PNPT1: variants seen among roughly 807,000 people sequenced by gnomAD.
PNPT1 encodes polyribonucleotide nucleotidyltransferase 1, mitochondrial.
Under a neutral mutation model 119.5 loss-of-function variants are expected in PNPT1, and 53 were observed. That is an observed-to-expected ratio of 0.44 (90% CI 0.36 to 0.56). The LOEUF (loss-of-function observed/expected upper bound fraction) is 0.56, where lower values mean the gene tolerates loss of function less well. PNPT1 is among the 20% of genes least tolerant of loss of function. PNPT1 has a pLI of 0.00. For missense variants in PNPT1, 948 were observed against 938.5 expected, an observed-to-expected ratio of 1.01 and a Z score of -0.13; for synonymous variants, 357 against 322.1, an observed-to-expected ratio of 1.11 and a Z score of -1.16.
chr2:55,655,007 A>T, intron 17 of PNPT1, 54 bp from the exon 18 acceptor site: 1 of 1,437,044 alleles, frequency 7.0e-7, no homozygotes, highest in Non-Finnish European at 9.7e-7. Flanking sequence ...TAATGTAGAA[A>T]AGTGTTACTA....
chr2:55,661,390 C>T lies in PNPT1; in HGVS notation c.1247+566G>A, dbSNP rs192892770. Among the ~76,000 whole-genome samples, 8 of 152,022 alleles carry T rather than the reference C, an allele frequency of 5.3e-5. No individual in the cohort carries two copies. The East Asian group carries it at 1.2e-3, about 22-fold the overall frequency. On this transcript the variant is annotated intron_variant, in intron 14 of 27. Transcript: ENST00000447944. The stretch of plus-strand genomic sequence containing the variant: ...CAGGCCAGGCGTGAGCCACCACGCC[C>T]GGCCTGCAATAAAGATTCTTATCAT...
rs1382825134 is a variant in PNPT1 at position 55,693,697 on chromosome 2, C to A, written c.127G>T (p.Gly43Trp). The A allele has an allele frequency of 6.2e-7, 1 of 1,614,240 alleles. No individual in the cohort carries two copies. Among genetic ancestry groups the A allele is most frequent in the Non-Finnish European group, 8.5e-7 (1 of 1,180,050 alleles). Reference sequence around the variant, plus strand: ...AAGTCCACGGCCACAGCTCGAGACCCTGCGCTACTCCATAGTGCTCGCACT... The same window carrying A: ...AAGTCCACGGCCACAGCTCGAGACCATGCGCTACTCCATAGTGCTCGCACT... ...LQVRALWSSA[G>W]SRAVAVDLGN... The change falls in exon 1 of 28, where the codon GGG becomes TGG. Residue 43 changes from glycine to tryptophan, a missense_variant. By Grantham distance (184) the Gly-to-Trp change is radical. Coordinates refer to ENST00000447944, the MANE Select transcript of PNPT1 (RefSeq NM_033109.5).
intron 27 of PNPT1, among the ~76,000 whole-genome samples, 193 bp from the exon 28 acceptor site, chr2:55,636,585 C>T (rs1051250710): frequency 3.9e-5 from 6 of 152,156 alleles, no homozygotes; most frequent in South Asian, 2.1e-4. Flanking sequence ...AGAAAAGAGA[C>T]GGGGCAGTTA....
At chr2:55,683,713 G>A in intron 5 of PNPT1, 72 bp downstream of exon 5, 2 of 1,359,732 alleles carry the variant, frequency 1.5e-6, no homozygotes, top group African/African-American at 1.5e-5. Flanking sequence ...GTTTACTCTA[G>A]GAAATATTAC....
chr2:55,654,595 T>C (rs1262747043), intron 18 of PNPT1, among the ~76,000 whole-genome samples: 1 of 152,216 alleles, frequency 6.6e-6, no homozygotes, highest in Admixed American at 6.5e-5. Flanking sequence ...CCAGCAGATA[T>C]CTGGATATCT....
At chr2:55,659,565 A>T (rs1379416140) in intron 15 of PNPT1, among the ~76,000 whole-genome samples, 1 of 151,992 alleles carries the variant, frequency 6.6e-6, no homozygotes, top group Non-Finnish European at 1.5e-5. Context: ...CTATACTTTA[A>T]CTTTTACGTA....
At chr2:55,680,108 A>G (rs181992491) in intron 7 of PNPT1, among the ~76,000 whole-genome samples, 53 of 152,352 alleles carry the variant, frequency 3.5e-4, no homozygotes, top group African/African-American at 1.3e-3. Context: ...GGTTCAGCTT[A>G]CACAAATGAC....
intron 13 of PNPT1, among the ~76,000 whole-genome samples, chr2:55,665,578 T>C (rs1353760034): frequency 1.3e-5 from 2 of 152,130 alleles, no homozygotes; most frequent in African/African-American, 4.8e-5. Flanking sequence ...CCAAAGGATA[T>C]GGACAGAAAA....
intron 26 of PNPT1, among the ~76,000 whole-genome samples, chr2:55,638,657 C>T (rs1045010024): frequency 6.6e-6 from 1 of 152,062 alleles, no homozygotes; most frequent in Non-Finnish European, 1.5e-5. Flanking sequence ...TCAAAACCCT[C>T]TCAAGTTGTA....
rs765578734 is a variant in PNPT1, at chr2:55,677,914, T to C, written c.679+1768A>G. ...CCAACACGCCCGGCTAATTTTTTTT[T>C]GTATTTTTAGTAGAGACAGGGTTTC... is the stretch of plus-strand genomic sequence containing the variant. On this transcript the variant is annotated intron_variant, in intron 8 of 27. Transcript: ENST00000447944. 7.3e-4 allele frequency among the ~76,000 whole-genome samples: 111 copies of C among 152,196 alleles called. No homozygotes were observed. In the Middle Eastern group the frequency reaches 0.01, roughly 14 times the overall value.
At chr2:55,652,198 G>C (rs1274984527) in intron 18 of PNPT1, among the ~76,000 whole-genome samples, 2 of 151,798 alleles carry the variant, frequency 1.3e-5, no homozygotes, top group East Asian at 1.9e-4. Flanking sequence ...AAACCTTTAA[G>C]CTTTTTCAAA....
At chr2:55,661,858 T>G in intron 14 of PNPT1, 98 bp downstream of exon 14, 1 of 1,160,778 alleles carries the variant, frequency 8.6e-7, no homozygotes, top group African/African-American at 1.6e-5. Flanking sequence ...AAAACACAGG[T>G]TAAAAAAAGT....
intron 1 of PNPT1, among the ~76,000 whole-genome samples, chr2:55,692,253 T>C (rs1365735840): frequency 2.0e-5 from 3 of 152,080 alleles, no homozygotes; most frequent in Non-Finnish European, 4.4e-5. Flanking sequence ...AAGCCTAATA[T>C]ATATATTATC....
chr2:55,645,786 C>T (rs1695978238), intron 21 of PNPT1, among the ~76,000 whole-genome samples: 1 of 151,906 alleles, frequency 6.6e-6, no homozygotes, highest in Non-Finnish European at 1.5e-5. Flanking sequence ...CTGCCTTGGC[C>T]TCCCAAAGTG....
intron 5 of PNPT1, among the ~76,000 whole-genome samples, chr2:55,681,366 C>G (rs961009948): frequency 6.6e-6 from 1 of 152,138 alleles, no homozygotes; most frequent in African/African-American, 2.4e-5. Flanking sequence ...GAGATCACGC[C>G]ATTGCACTCC....
At chr2:55,681,276 C>T (rs915185989) in intron 5 of PNPT1, among the ~76,000 whole-genome samples, 2 of 151,948 alleles carry the variant, frequency 1.3e-5, no homozygotes, top group Non-Finnish European at 2.9e-5. Flanking sequence ...GTGTAGTGGC[C>T]GGTGCCTGTA....
At chr2:55,684,891 T>C in intron 4 of PNPT1, 52 bp downstream of exon 4, 3 of 1,416,572 alleles carry the variant, frequency 2.1e-6, no homozygotes, top group Admixed American at 5.0e-5. Context: ...AGAGAAGAGA[T>C]GCTAACATAG....
In PNPT1 at chr2:55,673,525, T is replaced by C. The variant is rs180942127; in HGVS notation, c.680-446A>G. On this transcript the variant is annotated intron_variant, in intron 8 of 27. Transcript: ENST00000447944. Reference sequence around the variant, plus strand: ...GTGCAGTGGCGCAATCTCGGCTCACTGCCAGCTCTGCCTCCCAGGTTCACA... The same window carrying C: ...GTGCAGTGGCGCAATCTCGGCTCACCGCCAGCTCTGCCTCCCAGGTTCACA... Among the ~76,000 whole-genome samples the C allele has an allele frequency of 3.3e-5, 5 of 152,034 alleles. No individual in the cohort carries two copies. The East Asian group carries it at 9.7e-4, about 29-fold the overall frequency.
Position 55,672,918 on chromosome 2 carries a change from G to T in PNPT1, c.841C>A (p.Pro281Thr). The part of the protein sequence containing the change: ...RTPQKLFTPS[P>T]EIVKYTHKLA... ...TTATGAGTATATTTCACAATCTCTG[G>T]CGAAGGGGTAAATAACTTCTGAGGT... The change falls in exon 9 of 28, where the codon CCA becomes ACA. Residue 281 changes from proline to threonine, a missense_variant. Transcript: ENST00000447944. The T allele has an allele frequency of 6.2e-7, 1 of 1,605,912 alleles. No individual in the cohort carries two copies.
Sources: allele counts gnomAD v4.1 joint callset (sites outside exome capture counted in the v4.1 genomes callset), GRCh38; gene constraint gnomAD v4.1.1; transcripts MANE v1.5; gene names NCBI Gene and HGNC (gene_info 2026-07-23, HGNC 2026-07-21).